Variants in ATP11C observed in about 807,000 individuals in gnomAD.
The protein encoded by ATP11C is phospholipid-transporting ATPase IG.
In ATP11C, 36 loss-of-function variants were observed where a neutral mutation model predicts 97.4. That is an observed-to-expected ratio of 0.37 (90% CI 0.28 to 0.49). The LOEUF is 0.49. Among genes scored for constraint, ATP11C ranks in the 20% least tolerant of loss-of-function variants. The pLI, the probability that ATP11C is intolerant of heterozygous loss-of-function variation, is 0.98. For missense variants in ATP11C, 730 were observed against 824.6 expected (o/e 0.89, Z 1.40); for synonymous variants, 275 against 290.9 (o/e 0.95, Z 0.56).
rs927914695 is a variant in ATP11C, at chrX:139,835,061, A to G, written c.28-8238T>C. ...ATGTCTACATATCTGGGCTACATCT[A>G]TGCTAGAGTCCACTGGTAGAAAAAA... On this transcript the variant is annotated intron_variant, in intron 1 of 29. Transcript: ENST00000682941. 1.1e-4 allele frequency among the ~76,000 whole-genome samples: 12 copies of G among 112,147 alleles called. No homozygotes were observed. The Admixed American group carries it at 1.1e-3, about 11-fold the overall frequency.
chrX:139,791,159 C>CTT (rs72344403), intron 12 of ATP11C, among the ~76,000 whole-genome samples: 12 of 105,166 alleles, frequency 1.1e-4, no homozygotes, highest in East Asian at 3.0e-4. Context: ...GCATTCCAAT[C>CTT]TTTTTTTTTT....
chrX:139,756,980 A>AC (rs1438369910), intron 23 of ATP11C, among the ~76,000 whole-genome samples: 5 of 104,386 alleles, frequency 4.8e-5, no homozygotes, highest in African/African-American at 1.8e-4. Context: ...AAAAAAAAAA[A>AC]AAAAAAAAAA....
At chrX:139,882,228 C>T (rs1055373654) in intron 1 of ATP11C, among the ~76,000 whole-genome samples, 6 of 111,241 alleles carry the variant, frequency 5.4e-5, no homozygotes, top group Non-Finnish European at 1.1e-4. Flanking sequence ...CATGGCAGGA[C>T]GTGGGATCAC....
At chrX:139,832,051 G>A (rs1488121556) in intron 1 of ATP11C, 1 of 881,225 alleles carries the variant, frequency 1.1e-6, no homozygotes, top group African/African-American at 2.0e-5. Flanking sequence ...CTCAGGAAAT[G>A]GATAAAAATA....
chrX:139,873,878 C>T (rs986389873), intron 1 of ATP11C, among the ~76,000 whole-genome samples: 1 of 108,508 alleles, frequency 9.2e-6, no homozygotes, highest in Non-Finnish European at 1.9e-5. Flanking sequence ...CAGCCAACAA[C>T]TCCATGCACC....
intron 19 of ATP11C, among the ~76,000 whole-genome samples, chrX:139,769,321 T>G (rs1445279357): frequency 1.3e-5 from 1 of 76,168 alleles, no homozygotes; most frequent in Admixed American, 1.6e-4. Flanking sequence ...TATATATATA[T>G]ATATATTCTT....
intron 1 of ATP11C, among the ~76,000 whole-genome samples, chrX:139,899,549 C>T (rs2084864507): frequency 9.1e-6 from 1 of 109,404 alleles, no homozygotes; most frequent in African/African-American, 3.3e-5. Flanking sequence ...AAAGAAAAAC[C>T]GAGAAAATCT....
intron 27 of ATP11C, 48 bp downstream of exon 27, chrX:139,740,943 T>A: frequency 1.3e-6 from 1 of 797,107 alleles, no homozygotes; most frequent in Non-Finnish European, 1.9e-6. Flanking sequence ...CATACACATG[T>A]ATCTACTTTG....
intron 28 of ATP11C, among the ~76,000 whole-genome samples, chrX:139,735,476 C>T (rs894296299): frequency 3.6e-5 from 4 of 111,874 alleles, no homozygotes; most frequent in Non-Finnish European, 7.5e-5. Context: ...GGGGCAGACC[C>T]AGTATCTTTT....
chrX:139,762,950 A>G (rs1185687426), intron 21 of ATP11C, among the ~76,000 whole-genome samples: 2 of 112,365 alleles, frequency 1.8e-5, no homozygotes, highest in Non-Finnish European at 3.8e-5. Context: ...GTCAAAAGAT[A>G]TAGTACAGCA....
At chrX:139,935,617 A>G (rs1402360099), upstream of ATP11C, among the ~76,000 whole-genome samples, 2 of 111,505 alleles carry the variant, frequency 1.8e-5, no homozygotes, top group Non-Finnish European at 3.8e-5. Context: ...TTTATTTGTT[A>G]TAATTCTGCT....
chrX:139,729,103 ATGCAGGGG>A, intron 29 of ATP11C, 141 bp from the exon 30 acceptor site: 2 of 423,042 alleles, frequency 4.7e-6, no homozygotes, highest in South Asian at 4.5e-5. Context: ...TTTTATTCAC[ATGCAGGGG>A]AAAAAAAGAG....
At chrX:139,740,423 C>G (rs1485968952) in intron 27 of ATP11C, among the ~76,000 whole-genome samples, 3 of 111,307 alleles carry the variant, frequency 2.7e-5, no homozygotes, top group African/African-American at 9.8e-5. Context: ...CCAAGATGAA[C>G]TAAATGAACT....
intron 1 of ATP11C, among the ~76,000 whole-genome samples, chrX:139,828,304 C>T (rs1420814886): frequency 8.9e-6 from 1 of 112,338 alleles, no homozygotes; most frequent in Non-Finnish European, 1.9e-5. Flanking sequence ...AACCAGTAAA[C>T]AGTACCTTTA....
Position 139,798,749 on chromosome X carries a change from T to G in ATP11C, c.711-6A>C. The G allele has an allele frequency of 8.4e-7, 1 of 1,187,436 alleles. No homozygotes were observed. Among genetic ancestry groups the G allele is most frequent in the South Asian group, 1.8e-5 (1 of 54,103 alleles). On this transcript the variant is annotated splice_polypyrimidine_tract_variant and splice_region_variant and intron_variant, in intron 8 of 29. Transcript: ENST00000682941. ...GATTTTCAGGTCCCAAAGACCTAAATAAAAAATGAACACAGCTTATCCAAA... is the reference window on the plus strand; with the variant it reads ...GATTTTCAGGTCCCAAAGACCTAAAGAAAAAATGAACACAGCTTATCCAAA...
chrX:139,831,915 C>G (rs1353648120), intron 1 of ATP11C, among the ~76,000 whole-genome samples: 1 of 111,222 alleles, frequency 9.0e-6, no homozygotes, highest in Admixed American at 9.6e-5. Context: ...TTCACCCTAC[C>G]CATCTCTACA....
At position 139,758,001 on chromosome X, in the gene ATP11C, A is replaced by G. The variant is rs149526468; in HGVS notation, c.2641-134T>C. The stretch of plus-strand genomic sequence containing the variant: ...TAATGTCAGAATGCAATAAACCTCT[A>G]TTCCACAGACATAAGGAAACAACTA... On this transcript the variant is annotated intron_variant, in intron 22 of 29. Coordinates refer to ENST00000682941, the MANE Select transcript of ATP11C (RefSeq NM_001353812.2). 1.3e-3 allele frequency: 527 copies of G among 407,283 alleles called. 4 individuals carry two copies. The highest frequency in any genetic ancestry group is 0.011 in the African/African-American group (452 of 40,134). The allele number at this position is 407,283 out of a possible 1,213,427, so 33.6% of individuals were successfully genotyped here.
chrX:139,857,456 T>C (rs1760761352), intron 1 of ATP11C, among the ~76,000 whole-genome samples: 1 of 111,602 alleles, frequency 9.0e-6, no homozygotes, highest in Non-Finnish European at 1.9e-5. Flanking sequence ...CCACCCTGAC[T>C]CATTCCGATC....
chrX:139,906,436 A>AG (rs2084977773), intron 1 of ATP11C, among the ~76,000 whole-genome samples: 1 of 107,058 alleles, frequency 9.3e-6, no homozygotes, highest in African/African-American at 3.4e-5. Context: ...CGAAAAAAAA[A>AG]AAGTCAAGAA....
Sources: allele counts gnomAD v4.1 joint callset (sites outside exome capture counted in the v4.1 genomes callset), GRCh38; gene constraint gnomAD v4.1.1; transcripts MANE v1.5; gene names NCBI Gene and HGNC (gene_info 2026-07-23, HGNC 2026-07-21).